The following SLC15A5 variants were observed in gnomAD, a reference collection of about 807,000 sequenced individuals.
The protein encoded by SLC15A5 is solute carrier family 15 member 5, also known as Peptide/histidine transporter ENSP00000340402.
A neutral mutation model predicts 56.1 loss-of-function variants in SLC15A5; 58 were observed. The observed-to-expected ratio is 1.03, with a 90% CI of 0.84 to 1.29. The LOEUF (loss-of-function observed/expected upper bound fraction) is 1.29. Ranked by LOEUF, SLC15A5 falls within the 50% of genes most tolerant of loss-of-function variation. SLC15A5 has a pLI of 0.00. For synonymous variants in SLC15A5, 264 were observed against 250.5 expected (o/e 1.05, Z -0.51); for missense variants, 681 against 672.1 (o/e 1.01, Z -0.15).
chr12:16,246,253 G>C (rs967400891), intron 3 of SLC15A5, among the ~76,000 whole-genome samples: 3 of 152,198 alleles, frequency 2.0e-5, no homozygotes, highest in Non-Finnish European at 4.4e-5. Flanking sequence ...TACTGGTAAG[G>C]CCAAGAAGAC....
In SLC15A5 at chr12:16,251,189, G is replaced by A. The variant is rs577087131; in HGVS notation, c.755-6389C>T. Among the ~76,000 whole-genome samples the A allele has an allele frequency of 2.6e-5, 4 of 151,820 alleles. No individual in the cohort carries two copies. In the East Asian group the frequency reaches 5.8e-4, roughly 22 times the overall value. On this transcript the variant is annotated intron_variant, in intron 3 of 8. Transcript: ENST00000344941. ...AAAACTTATGAGATGCAGCAAGAGT[G>A]GTAAATACTAAGAGGAAAGTTTATA...
At position 16,194,345 on chromosome 12, in the gene SLC15A5, C is replaced by G; in HGVS notation, c.1592G>C (p.Arg531Thr). 2.6e-6 allele frequency: 4 copies of G among 1,525,514 alleles called. No homozygotes were observed. The highest frequency in any genetic ancestry group is 2.5e-5 in the East Asian group (1 of 40,736). 94.5% of individuals were successfully genotyped at this position (1,525,514 alleles called of 1,614,324 possible). The part of the protein sequence containing the change: ...NVLGFCSVSQ[R>T]YCNLNHFNAQ... Reference sequence around the variant, plus strand: ...TTCATCTTACCACACACTTACTTACCTTTGTGAAACACTGCAGAATCCCAG... The same window carrying G: ...TTCATCTTACCACACACTTACTTACGTTTGTGAAACACTGCAGAATCCCAG... Residue 531 changes from arginine to threonine, a missense_variant and splice_region_variant, in exon 8 of 9, where the codon AGA becomes ACA. Physicochemically the swap from Arg to Thr is moderately conservative, Grantham distance 71. Coordinates refer to ENST00000344941, the MANE Select transcript of SLC15A5 (RefSeq NM_001170798.1).
chr12:16,241,607 A>G (rs1864415492), intron 4 of SLC15A5, among the ~76,000 whole-genome samples: 1 of 152,192 alleles, frequency 6.6e-6, no homozygotes. Flanking sequence ...AGTTAAAGGA[A>G]CATTAGTTAG....
chr12:16,219,002 T>A (rs1045469316), intron 6 of SLC15A5, among the ~76,000 whole-genome samples: 35 of 152,180 alleles, frequency 2.3e-4, no homozygotes, highest in African/African-American at 6.5e-4. Flanking sequence ...GTCCTGCACA[T>A]GTCTTGATTT....
chr12:16,220,358 T>C (rs1234068894), intron 6 of SLC15A5, among the ~76,000 whole-genome samples: 1 of 152,224 alleles, frequency 6.6e-6, no homozygotes, highest in Non-Finnish European at 1.5e-5. Flanking sequence ...GCCTTAATAC[T>C]TGGCAATTTT....
At chr12:16,231,175 A>G (rs1379167854) in intron 5 of SLC15A5, among the ~76,000 whole-genome samples, 3 of 152,222 alleles carry the variant, frequency 2.0e-5, no homozygotes, top group African/African-American at 7.2e-5. Context: ...ATGCAGATTT[A>G]GAATACTTTT....
At chr12:16,213,436 T>C (rs970850785) in intron 7 of SLC15A5, among the ~76,000 whole-genome samples, 4 of 152,198 alleles carry the variant, frequency 2.6e-5, no homozygotes, top group African/African-American at 9.6e-5. Context: ...TTTCTCCAAG[T>C]ATTTATCAAA....
chr12:16,196,204 T>C lies in SLC15A5; in HGVS notation c.1484-1751A>G, dbSNP rs1228207743. Among the ~76,000 whole-genome samples, 1 of 152,142 alleles carries C rather than the reference T, an allele frequency of 6.6e-6. No individual in the cohort carries two copies. Among genetic ancestry groups the C allele is most frequent in the Non-Finnish European group, 1.5e-5 (1 of 68,004 alleles). Reference sequence around the variant, plus strand: ...AGTATTACTATACCTATTTTGTGGTTCCACTTTACCATTTTATTTGGGTTC... The same window carrying C: ...AGTATTACTATACCTATTTTGTGGTCCCACTTTACCATTTTATTTGGGTTC... On this transcript the variant is annotated intron_variant, in intron 7 of 8. Coordinates refer to ENST00000344941, the MANE Select transcript of SLC15A5 (RefSeq NM_001170798.1). This position sits in a 1 kb window ranked among gnomAD's most constrained non-coding sequence, Gnocchi z 4.0.
chr12:16,226,443 T>TA (rs1385372568), intron 5 of SLC15A5, among the ~76,000 whole-genome samples: 1 of 152,090 alleles, frequency 6.6e-6, no homozygotes, highest in Non-Finnish European at 1.5e-5. Context: ...ATAACTTTCA[T>TA]AAAAAAGATA....
At chr12:16,252,200 A>G (rs1565671000) in intron 3 of SLC15A5, among the ~76,000 whole-genome samples, 1 of 152,048 alleles carries the variant, frequency 6.6e-6, no homozygotes, top group Non-Finnish European at 1.5e-5. Context: ...CCCACCGCTG[A>G]CATCATACTC....
chr12:16,244,785 G>T lies in SLC15A5; in HGVS notation c.770C>A (p.Thr257Lys). 1.3e-6 allele frequency: 2 copies of T among 1,537,838 alleles called. No homozygotes were observed. Among genetic ancestry groups the T allele is most frequent in the Non-Finnish European group, 1.7e-6 (2 of 1,147,034 alleles). Residue 257 changes from threonine to lysine, a missense_variant, in exon 4 of 9, where the codon ACA becomes AAA. By Grantham distance (78) the Thr-to-Lys change is moderately conservative. Transcript: ENST00000344941. ...YQSEKRCSLLTGVGVLVSALK... is the reference protein window; with the variant it reads ...YQSEKRCSLLKGVGVLVSALK... The stretch of plus-strand genomic sequence containing the variant: ...TGCACTAACCAACACCCCAACGCCT[G>T]TCAGGAGAGAACAACCTGCAAGTAA...
At chr12:16,227,950 CAT>C (rs1206022186) in intron 5 of SLC15A5, among the ~76,000 whole-genome samples, 3 of 152,006 alleles carry the variant, frequency 2.0e-5, no homozygotes, top group Admixed American at 6.6e-5. Context: ...AAGGTAGAAA[CAT>C]AAAATGCATT....
At chr12:16,249,965 A>G (rs1203434080) in intron 3 of SLC15A5, among the ~76,000 whole-genome samples, 7 of 151,996 alleles carry the variant, frequency 4.6e-5, no homozygotes, top group Non-Finnish European at 8.8e-5. Context: ...ATAGACTACT[A>G]GGAGGACATG....
At chr12:16,197,951 A>G (rs1214644391) in intron 7 of SLC15A5, among the ~76,000 whole-genome samples, 1 of 152,146 alleles carries the variant, frequency 6.6e-6, no homozygotes, top group African/African-American at 2.4e-5. Flanking sequence ...CAAAGGAGAC[A>G]TAGTGAAGAC....
intron 2 of SLC15A5, among the ~76,000 whole-genome samples, chr12:16,262,640 G>C (rs764610762): frequency 6.6e-6 from 1 of 152,220 alleles, no homozygotes; most frequent in Non-Finnish European, 1.5e-5. Context: ...TTGGAACATA[G>C]TGAGTGATAT....
chr12:16,209,409 TACTC>T (rs1591642459), intron 7 of SLC15A5, among the ~76,000 whole-genome samples: 1 of 152,280 alleles, frequency 6.6e-6, no homozygotes, highest in East Asian at 1.9e-4. Flanking sequence ...TCATTCTTAA[TACTC>T]ACACTATGTA....
chr12:16,270,492 G>C (rs1340561476), intron 2 of SLC15A5, among the ~76,000 whole-genome samples: 1 of 152,020 alleles, frequency 6.6e-6, no homozygotes, highest in South Asian at 2.1e-4. Flanking sequence ...CTCCTAAATG[G>C]GTTCCCTCTT....
chr12:16,193,792 A>C (rs1014333986), intron 8 of SLC15A5, among the ~76,000 whole-genome samples: 593 of 25,172 alleles, frequency 0.024, 43 homozygotes, highest in African/African-American at 0.038. Flanking sequence ...AGAGAGAGAG[A>C]GAGAGAGAGA....
intron 3 of SLC15A5, among the ~76,000 whole-genome samples, chr12:16,249,245 A>G (rs965386234): frequency 8.5e-5 from 13 of 152,090 alleles, no homozygotes; most frequent in African/African-American, 2.7e-4. Context: ...CATGGTCCAC[A>G]TTTGAAAAGT....
Sources: allele counts gnomAD v4.1 joint callset (sites outside exome capture counted in the v4.1 genomes callset), GRCh38; gene constraint gnomAD v4.1.1; non-coding constraint Gnocchi (gnomAD v3.1); transcripts MANE v1.5; gene names NCBI Gene and HGNC (gene_info 2026-07-23, HGNC 2026-07-21).